The following DYTN variants were observed in gnomAD, a reference collection of about 807,000 sequenced individuals.
DYTN encodes dystrotelin.
Under a neutral mutation model 69.6 loss-of-function variants are expected in DYTN, and 75 were observed. That is an observed-to-expected ratio of 1.08 (90% CI 0.89 to 1.31). The LOEUF (loss-of-function observed/expected upper bound fraction) is 1.31. DYTN is among the 50% of genes most tolerant of loss of function. DYTN has a pLI of 0.00. For synonymous variants in DYTN, 252 were observed against 249.1 expected (o/e 1.01, Z -0.11); for missense variants, 726 against 688.4 (o/e 1.05, Z -0.61).
intron 1 of DYTN, among the ~76,000 whole-genome samples, chr2:206,715,409 C>T (rs10180353): frequency 1.3e-5 from 2 of 152,062 alleles, no homozygotes; most frequent in African/African-American, 4.8e-5. Flanking sequence ...ACAGGGAGCC[C>T]GCCAGCTGCC....
intron 11 of DYTN, among the ~76,000 whole-genome samples, chr2:206,658,733 A>T (rs1055249264): frequency 6.6e-6 from 1 of 152,188 alleles, no homozygotes; most frequent in Non-Finnish European, 1.5e-5. Context: ...CTTTGCATTG[A>T]GCCTTTTGGA....
intron 7 of DYTN, among the ~76,000 whole-genome samples, chr2:206,695,427 A>G (rs1699909799): frequency 2.0e-5 from 3 of 152,210 alleles, no homozygotes; most frequent in African/African-American, 4.8e-5. Context: ...AGAAGTCTGT[A>G]TGTAGGAAAG....
intron 11 of DYTN, among the ~76,000 whole-genome samples, chr2:206,659,484 CAAAAA>C (rs772861150): frequency 5.4e-4 from 35 of 64,572 alleles, no homozygotes; most frequent in African/African-American, 1.4e-3. Context: ...CAACAATTCT[CAAAAA>C]AAAAAAAAAA....
intron 8 of DYTN, among the ~76,000 whole-genome samples, chr2:206,693,860 G>A (rs2105897590): frequency 6.6e-6 from 1 of 152,252 alleles, no homozygotes; most frequent in Admixed American, 6.5e-5. Flanking sequence ...GTGGCCACAT[G>A]GTGTCACTCT....
chr2:206,713,548 G>C (rs1286419080), intron 1 of DYTN, among the ~76,000 whole-genome samples: 1 of 152,200 alleles, frequency 6.6e-6, no homozygotes, highest in Non-Finnish European at 1.5e-5. Flanking sequence ...CCATGTCTGA[G>C]AGCTTCTGTT....
chr2:206,704,984 CA>C, intron 4 of DYTN, 41 bp from the exon 5 acceptor site: 1 of 1,516,006 alleles, frequency 6.6e-7, no homozygotes, highest in Middle Eastern at 1.7e-4. Flanking sequence ...TGAATACTTG[CA>C]ATGTATCTTT....
Position 206,663,122 on chromosome 2 carries a change from T to A in DYTN, c.1414A>T (p.Met472Leu). 3 of 1,613,924 alleles carry A rather than the reference T, an allele frequency of 1.9e-6. No homozygotes were observed. Among genetic ancestry groups the A allele is most frequent in the East Asian group, 2.2e-5 (1 of 44,870 alleles). Residue 472 changes from methionine to leucine, a missense_variant, in exon 11 of 12, where the codon ATG becomes TTG. Physicochemically the swap from Met to Leu is conservative, Grantham distance 15 (BLOSUM62 2). Transcript: ENST00000452335. ...AGGGCACTAATGACTTTCTGTGGCA[T>A]CTTTTGTGTTTGGCTTTGTGCCCTG... The part of the protein sequence containing the change: ...STRAQSQTQK[M>L]PQKVISALPS...
chr2:206,715,572 A>G (rs1334856958), intron 1 of DYTN, among the ~76,000 whole-genome samples: 4 of 152,188 alleles, frequency 2.6e-5, no homozygotes, highest in Non-Finnish European at 5.9e-5. Flanking sequence ...CTTCCTCCAG[A>G]GTAGGGTGAG....
chr2:206,705,933 T>C (rs1700020911), intron 3 of DYTN, 60 bp from the exon 4 acceptor site: 6 of 1,567,032 alleles, frequency 3.8e-6, no homozygotes, highest in Non-Finnish European at 5.2e-6. Flanking sequence ...TTTGGTGTAA[T>C]GGATGATAAA....
At chr2:206,663,866 A>T in intron 10 of DYTN, among the ~76,000 whole-genome samples, 1 of 152,218 alleles carries the variant, frequency 6.6e-6, no homozygotes, top group Non-Finnish European at 1.5e-5. Flanking sequence ...CACAGACCCT[A>T]GGAGATCCCC....
chr2:206,710,487 A>G, intron 2 of DYTN, 37 bp downstream of exon 2: 1 of 1,574,020 alleles, frequency 6.4e-7, no homozygotes, highest in Non-Finnish European at 8.7e-7. Flanking sequence ...CATCAAGCTC[A>G]GATTATTTCA....
rs546589448 is a variant in DYTN at position 206,658,455 on chromosome 2, G to A, written c.1633+4448C>T. On this transcript the variant is annotated intron_variant, in intron 11 of 11. Transcript: ENST00000452335. ...ACTATCTCTCTTAGTCTTCAAGACT[G>A]GCCTCATACAGAAGACCCTTAGCAA... 1.9e-3 allele frequency among the ~76,000 whole-genome samples: 281 copies of A among 147,678 alleles called. 1 individual carries two copies. The highest frequency in any genetic ancestry group is 6.7e-3 in the African/African-American group (265 of 39,676).
rs199581781 is a variant in DYTN, at chr2:206,691,419, A to AT, written c.980+1755_980+1756insA. Among the ~76,000 whole-genome samples, 860 of 151,298 alleles carry AT rather than the reference A, an allele frequency of 5.7e-3. 10 individuals carry two copies. The highest frequency in any genetic ancestry group is 0.019 in the African/African-American group (789 of 40,782). ...CACAGCAAGACTCCATCTTAAAAAA[A>AT]AAATATATATATGGATCTTTGTGAT... is the stretch of plus-strand genomic sequence containing the variant. On this transcript the variant is annotated intron_variant, in intron 9 of 11. Coordinates refer to ENST00000452335, the MANE Select transcript of DYTN (RefSeq NM_001093730.1).
chr2:206,666,007 G>T lies in DYTN; in HGVS notation c.1003C>A (p.Gln335Lys). Reference sequence around the variant, plus strand: ...ATAGCTTGCAACTTGTCTTTGTATTGGTTTAACTGTTTTTTAAGGAGCCTG... The same window carrying T: ...ATAGCTTGCAACTTGTCTTTGTATTTGTTTAACTGTTTTTTAAGGAGCCTG... ...QARLLKKQLN[Q>K]YKDKLQAIYT... Residue 335 changes from glutamine to lysine, a missense_variant, in exon 10 of 12, where the codon CAA (glutamine) becomes AAA (lysine). Coordinates refer to ENST00000452335, the MANE Select transcript of DYTN (RefSeq NM_001093730.1). 1 of 1,613,728 alleles carries T rather than the reference G, an allele frequency of 6.2e-7. No homozygotes were observed. The highest frequency in any genetic ancestry group is 2.2e-5 in the East Asian group (1 of 44,876).
At chr2:206,652,047 C>T (rs1249488537) in intron 11 of DYTN, 126 bp from the exon 12 acceptor site, 1 of 795,540 alleles carries the variant, frequency 1.3e-6, no homozygotes, top group African/African-American at 1.7e-5. Flanking sequence ...AGGACAATGT[C>T]CTTAAGTTAG....
chr2:206,667,562 T>C (rs1026789518), intron 9 of DYTN, among the ~76,000 whole-genome samples: 2 of 152,078 alleles, frequency 1.3e-5, no homozygotes, highest in African/African-American at 4.8e-5. Flanking sequence ...GCCTGAAGAG[T>C]CCAGCCTTCA....
At chr2:206,693,135 G>T (rs774748561) in intron 9 of DYTN, 40 bp downstream of exon 9, 2 of 1,566,764 alleles carry the variant, frequency 1.3e-6, no homozygotes, top group African/African-American at 1.4e-5. Flanking sequence ...GGCCCTTGGT[G>T]GCTGCTCTGT....
At chr2:206,665,166 T>C (rs575720543) in intron 10 of DYTN, among the ~76,000 whole-genome samples, 42 of 152,336 alleles carry the variant, frequency 2.8e-4, no homozygotes, top group African/African-American at 9.6e-4. Flanking sequence ...AGCAGATTGA[T>C]TGCTGAAGTG....
chr2:206,706,739 G>A (rs1038036213), intron 3 of DYTN, among the ~76,000 whole-genome samples: 2 of 151,992 alleles, frequency 1.3e-5, no homozygotes, highest in Non-Finnish European at 2.9e-5. Flanking sequence ...TCGAGGAGGG[G>A]GCAGAGGAAT....
Sources: allele counts gnomAD v4.1 joint callset (sites outside exome capture counted in the v4.1 genomes callset), GRCh38; gene constraint gnomAD v4.1.1; transcripts MANE v1.5; gene names NCBI Gene and HGNC (gene_info 2026-07-23, HGNC 2026-07-21).